Variants in SNX9 observed in about 807,000 individuals in gnomAD.
SNX9 encodes sorting nexin 9.
In SNX9, 44 loss-of-function variants were observed where a neutral mutation model predicts 89.4. That is an observed-to-expected ratio of 0.49 (90% confidence interval 0.39 to 0.63). SNX9 has a LOEUF of 0.63. SNX9 is among the 30% of genes least tolerant of loss of function. The probability of loss-of-function intolerance (pLI) is 0.00; values close to 1 mark genes in which losing one functional copy is unlikely to be tolerated. For synonymous variants in SNX9, 236 were observed against 247.8 expected, an observed-to-expected ratio of 0.95 and a Z score of 0.45; for missense variants, 578 against 736.1, an observed-to-expected ratio of 0.79 and a Z score of 2.49.
chr6:157,847,127 G>T (rs558384456), intron 1 of SNX9, among the ~76,000 whole-genome samples: 1 of 152,114 alleles, frequency 6.6e-6, no homozygotes, highest in Non-Finnish European at 1.5e-5. Context: ...TTTTGAGACA[G>T]GGTCTGGCTC....
Position 157,944,677 on chromosome 6 carries a change from G to A in SNX9, c.*1839G>A, listed in dbSNP as rs752600098. The A allele has an allele frequency of 2.0e-5, 3 of 152,166 alleles. No homozygotes were observed. Among genetic ancestry groups the A allele is most frequent in the Non-Finnish European group, 2.9e-5 (2 of 68,030 alleles). 9.4% of individuals were successfully genotyped at this position (152,166 alleles called of 1,614,324 possible). ...TTCATCATTTCAGTTCCGTAGGTCA[G>A]TGTTGCGGTCCGGGAAGCGTATCAT... On this transcript the variant is annotated 3_prime_UTR_variant, in exon 18 of 18. Transcript: ENST00000392185.
chr6:157,853,282 T>C (rs1256504929), intron 1 of SNX9, among the ~76,000 whole-genome samples: 1 of 152,186 alleles, frequency 6.6e-6, no homozygotes, highest in Non-Finnish European at 1.5e-5. Flanking sequence ...ATTTGGCTTG[T>C]ACATGTTGTT....
chr6:157,939,251 A>C (rs1337906796), intron 16 of SNX9, among the ~76,000 whole-genome samples: 5 of 152,174 alleles, frequency 3.3e-5, no homozygotes, highest in African/African-American at 1.2e-4. Context: ...GGATGGGCAG[A>C]GAATGGAGAG....
At chr6:157,825,242 C>A (rs1419963883) in intron 1 of SNX9, among the ~76,000 whole-genome samples, 1 of 151,910 alleles carries the variant, frequency 6.6e-6, no homozygotes, top group Non-Finnish European at 1.5e-5. Flanking sequence ...AGCGAGACTC[C>A]GTTTGAAAAA....
chr6:157,923,063 G>A (rs1022483851), intron 10 of SNX9, among the ~76,000 whole-genome samples: 2 of 152,152 alleles, frequency 1.3e-5, no homozygotes, highest in African/African-American at 4.8e-5. Flanking sequence ...GACATCAGTT[G>A]TGTTGGTTTT....
chr6:157,880,092 T>G (rs1185671817), intron 4 of SNX9, among the ~76,000 whole-genome samples: 1 of 152,152 alleles, frequency 6.6e-6, no homozygotes, highest in Non-Finnish European at 1.5e-5. Flanking sequence ...TGTTTTTCTG[T>G]TTCACACCCC....
chr6:157,899,835 T>C (rs1316281134), intron 5 of SNX9, among the ~76,000 whole-genome samples: 2 of 152,136 alleles, frequency 1.3e-5, no homozygotes, highest in Non-Finnish European at 2.9e-5. Flanking sequence ...ATGTATATAC[T>C]GAAATCATTA....
At chr6:157,851,276 AATAAATAAAT>A (rs976417583) in intron 1 of SNX9, among the ~76,000 whole-genome samples, 1 of 151,844 alleles carries the variant, frequency 6.6e-6, no homozygotes, top group Non-Finnish European at 1.5e-5. Context: ...AAAACCCTAA[AATAAATAAAT>A]ATAAATAAAC....
intron 5 of SNX9, 76 bp downstream of exon 5, chr6:157,897,074 T>C: frequency 7.1e-7 from 1 of 1,405,498 alleles, no homozygotes; most frequent in Non-Finnish European, 9.5e-7. Flanking sequence ...CGAACTGTTT[T>C]TGCTGTTCCC....
chr6:157,867,537 C>T lies in SNX9; in HGVS notation c.13-10C>T, dbSNP rs1253790269. The stretch of plus-strand genomic sequence containing the variant: ...TTGTAACATCCTCTTTTCCTCTCCA[C>T]TCCTGATAGGCTCGGGTTATGTATG... On this transcript the variant is annotated splice_polypyrimidine_tract_variant and intron_variant, in intron 1 of 17. Transcript: ENST00000392185. 8 of 1,606,854 alleles carry T rather than the reference C, an allele frequency of 5.0e-6. 1 individual carries two copies. Among genetic ancestry groups the T allele is most frequent in the Non-Finnish European group, 6.8e-6 (8 of 1,174,740 alleles).
chr6:157,834,832 C>A (rs1368133626), intron 1 of SNX9, among the ~76,000 whole-genome samples: 1 of 152,064 alleles, frequency 6.6e-6, no homozygotes, highest in Non-Finnish European at 1.5e-5. Context: ...AAAAGTTGAA[C>A]CAGATTAGTC....
chr6:157,919,153 G>A (rs1783532229), intron 9 of SNX9, among the ~76,000 whole-genome samples: 1 of 152,146 alleles, frequency 6.6e-6, no homozygotes, highest in African/African-American at 2.4e-5. Context: ...TCTGTTATCA[G>A]TGAATTATCT....
chr6:157,857,374 T>G (rs1238653012), intron 1 of SNX9, among the ~76,000 whole-genome samples: 1 of 152,206 alleles, frequency 6.6e-6, no homozygotes, highest in African/African-American at 2.4e-5. Flanking sequence ...GAGTCAACTA[T>G]TTCTCTAAGT....
intron 10 of SNX9, among the ~76,000 whole-genome samples, chr6:157,926,820 G>A (rs1049425912): frequency 8.1e-5 from 12 of 148,420 alleles, no homozygotes; most frequent in Non-Finnish European, 1.8e-4. Flanking sequence ...GGGTGTTTCT[G>A]TTTGCTGTTT....
chr6:157,843,687 C>G (rs1354894776), intron 1 of SNX9, among the ~76,000 whole-genome samples: 1 of 152,096 alleles, frequency 6.6e-6, no homozygotes, highest in Non-Finnish European at 1.5e-5. Flanking sequence ...CTTTGATAGA[C>G]AGACAGCTAT....
At chr6:157,826,811 T>TA (rs1781357745) in intron 1 of SNX9, among the ~76,000 whole-genome samples, 2 of 116,240 alleles carry the variant, frequency 1.7e-5, no homozygotes, top group African/African-American at 8.2e-5. Context: ...ATATTTTATA[T>TA]ATAAATATAT....
chr6:157,933,865 T>A (rs1783867472), intron 13 of SNX9, among the ~76,000 whole-genome samples: 1 of 152,244 alleles, frequency 6.6e-6, no homozygotes, highest in Admixed American at 6.5e-5. Context: ...TATCAATACA[T>A]AATTAAATGT....
intron 12 of SNX9, among the ~76,000 whole-genome samples, chr6:157,931,625 C>G (rs1331817028): frequency 6.6e-6 from 1 of 152,230 alleles, no homozygotes; most frequent in Non-Finnish European, 1.5e-5. Flanking sequence ...CTTCCCTGGT[C>G]ATGCGAAGTC....
intron 1 of SNX9, among the ~76,000 whole-genome samples, chr6:157,866,043 CACTT>C (rs34943312): frequency 0.035 from 5,353 of 152,252 alleles, 123 homozygotes; most frequent in Non-Finnish European, 0.057. Flanking sequence ...GAAAGACAAT[CACTT>C]AGAATTTGAA....
Sources: allele counts gnomAD v4.1 joint callset (sites outside exome capture counted in the v4.1 genomes callset), GRCh38; gene constraint gnomAD v4.1.1; transcripts MANE v1.5; gene names NCBI Gene and HGNC (gene_info 2026-07-23, HGNC 2026-07-21).